BSG: variants seen among roughly 807,000 people sequenced by gnomAD.
BSG encodes basigin (Ok blood group).
Under a neutral mutation model 43.1 loss-of-function variants are expected in BSG, and 37 were observed. The ratio of observed to expected loss-of-function variants is 0.86; its 90% CI spans 0.66 to 1.13. BSG has a LOEUF of 1.13. BSG is among the 50% of genes most tolerant of loss of function. The pLI, the probability that BSG is intolerant of heterozygous loss-of-function variation, is 0.00. For missense variants in BSG, 599 were observed against 554.2 expected (o/e 1.08, Z -0.81); for synonymous variants, 309 against 238.7 (o/e 1.29, Z -2.72).
At chr19:578,142 TC>T (rs746316624) in intron 2 of BSG, 21 bp downstream of exon 2, 3 of 1,504,774 alleles carry the variant, frequency 2.0e-6, no homozygotes, top group African/African-American at 2.8e-5. Flanking sequence ...GGCACCTCCC[TC>T]CCCGCCTCCC....
At position 582,896 on chromosome 19, in the gene BSG, G is replaced by GT; in HGVS notation, c.*156dup. The GT allele has an allele frequency of 2.4e-6, 1 of 420,224 alleles. No homozygotes were observed. The highest frequency in any genetic ancestry group is 4.3e-6 in the Non-Finnish European group (1 of 233,618). The allele number at this position is 420,224 out of a possible 1,614,324, so 26.0% of individuals were successfully genotyped here. A position where few individuals can be genotyped will look rare whatever the true frequency, so the allele number is the denominator to read the frequency against. ...CTTCCTTCTTTTTTAAAAAAGTTGG[G>GT]TTTTCTCCATTCAGGATTCTGTTCC... is the stretch of plus-strand genomic sequence containing the variant. On this transcript the variant is annotated 3_prime_UTR_variant, in exon 9 of 9. Transcript: ENST00000333511.
chr19:582,710 G>T, intron 8 of BSG, 40 bp from the exon 9 acceptor site: 1 of 1,044,184 alleles, frequency 9.6e-7, no homozygotes, highest in Non-Finnish European at 1.4e-6. Context: ...GTGGGTCGCT[G>T]GGAGGTGGGT....
upstream of BSG, chr19:572,566 C>T (rs947470056): frequency 1.4e-6 from 2 of 1,422,114 alleles, no homozygotes; most frequent in East Asian, 3.1e-5. Flanking sequence ...GCCTCCGCCG[C>T]TTTTTATAGC....
intron 6 of BSG, 135 bp downstream of exon 6, chr19:581,726 C>T: frequency 8.0e-7 from 1 of 1,251,260 alleles, no homozygotes; most frequent in South Asian, 1.6e-5. Context: ...TTGATGGGAC[C>T]CCGAAAGAAA....
rs770933792 is a variant in BSG, at chr19:579,696, T to C, written c.572+40T>C. 20 of 1,571,592 alleles carry C rather than the reference T, an allele frequency of 1.3e-5. No homozygotes were observed. The South Asian group carries it at 2.4e-4, about 19-fold the overall frequency. On this transcript the variant is annotated intron_variant, in intron 3 of 8. Transcript: ENST00000333511. ...ACGCCATGCCGCCACCTGCCCCTTC[T>C]CACGGCTCTCTTGCCGCCAGCGGCC...
rs1982306285 is a variant in BSG at position 581,402 on chromosome 19, G to T, written c.880G>T (p.Ala294Ser). 2 of 1,612,804 alleles carry T rather than the reference G, an allele frequency of 1.2e-6. No individual in the cohort carries two copies. The highest frequency in any genetic ancestry group is 1.7e-6 in the Non-Finnish European group (2 of 1,179,952). Residue 294 changes from alanine to serine, a missense_variant, in exon 6 of 9, where the codon GCC (alanine) becomes TCC (serine). Physicochemically the swap from Ala to Ser is moderately conservative, Grantham distance 99 (BLOSUM62 1). Coordinates refer to ENST00000333511, the MANE Select transcript of BSG (RefSeq NM_001728.4). Reference sequence around the variant, plus strand: ...ACACATTGAGAACCTGAACATGGAGGCCGACCCCGGCCAGTACCGGTGCAA... The same window carrying T: ...ACACATTGAGAACCTGAACATGGAGTCCGACCCCGGCCAGTACCGGTGCAA... ...ELHIENLNME[A>S]DPGQYRCNGT... is the part of the protein sequence containing the mutation.
intron 1 of BSG, among the ~76,000 whole-genome samples, chr19:576,995 G>A (rs1387981269): frequency 6.6e-6 from 1 of 152,056 alleles, no homozygotes; most frequent in Non-Finnish European, 1.5e-5. Flanking sequence ...CGGTGCCTGG[G>A]GAGTCTGACC....
At chr19:571,924 G>A (rs534604742), upstream of BSG, among the ~76,000 whole-genome samples, 618 of 152,300 alleles carry the variant, frequency 4.1e-3, 5 homozygotes, top group Middle Eastern at 6.8e-3. Flanking sequence ...AGACCTGGAA[G>A]TTGAGTTTCT....
In BSG at chr19:572,646, G is replaced by A. The variant is rs773005376; in HGVS notation, c.12G>A (p.Ala4=). The change falls in exon 1 of 9, where the codon GCG becomes GCA. Residue 4 remains alanine (A), a synonymous_variant. Coordinates refer to ENST00000333511, the MANE Select transcript of BSG (RefSeq NM_001728.4). The part of the protein sequence containing the change: MAA[A]LFVLLGFALL... Reference sequence around the variant, plus strand: ...GAGGAATAGGAATCATGGCGGCTGCGCTGTTCGTGCTGCTGGGATTCGCGC... The same window carrying A: ...GAGGAATAGGAATCATGGCGGCTGCACTGTTCGTGCTGCTGGGATTCGCGC... 2.7e-6 allele frequency: 4 copies of A among 1,504,204 alleles called. No homozygotes were observed. Among genetic ancestry groups the A allele is most frequent in the Non-Finnish European group, 3.6e-6 (4 of 1,125,006 alleles). The allele number at this position is 1,504,204 out of a possible 1,614,324, so 93.2% of individuals were successfully genotyped here.
chr19:577,480 C>T (rs964473846), intron 1 of BSG, among the ~76,000 whole-genome samples: 1 of 152,214 alleles, frequency 6.6e-6, no homozygotes, highest in African/African-American at 2.4e-5. Flanking sequence ...GGGCTCAGGA[C>T]TCCTGGCTCT....
upstream of BSG, chr19:572,444 G>A: frequency 2.6e-6 from 3 of 1,147,110 alleles, no homozygotes; most frequent in Non-Finnish European, 3.2e-6. Flanking sequence ...GAGCCTGCCG[G>A]AGCCGGCGCG....
intron 4 of BSG, 55 bp from the exon 5 acceptor site, chr19:580,591 C>T (rs898795312): frequency 1.1e-5 from 18 of 1,608,456 alleles, no homozygotes; most frequent in Middle Eastern, 3.3e-4. Context: ...TGCGGGAGGC[C>T]GGGGATGGGG....
chr19:578,195 A>T (rs1380601489), intron 2 of BSG, 74 bp downstream of exon 2: 4 of 1,369,842 alleles, frequency 2.9e-6, no homozygotes, highest in Non-Finnish European at 2.9e-6. Flanking sequence ...GCTCCTGCTC[A>T]GTAGAACCCA....
intron 5 of BSG, 94 bp from the exon 6 acceptor site, chr19:581,221 G>T (rs2145901977): frequency 1.1e-5 from 14 of 1,286,908 alleles, no homozygotes; most frequent in Non-Finnish European, 1.4e-5. Flanking sequence ...CTGGGTGAGG[G>T]GCCTAGACTG....
At chr19:573,600 C>T (rs1163061035) in intron 1 of BSG, among the ~76,000 whole-genome samples, 3 of 152,150 alleles carry the variant, frequency 2.0e-5, no homozygotes, top group Non-Finnish European at 2.9e-5. Context: ...CGGAATCTCC[C>T]TCTGATTCTG....
At position 580,359 on chromosome 19, in the gene BSG, C is replaced by T; in HGVS notation, c.573-20C>T. 1 of 1,608,432 alleles carries T rather than the reference C, an allele frequency of 6.2e-7. No homozygotes were observed. The highest frequency in any genetic ancestry group is 8.5e-7 in the Non-Finnish European group (1 of 1,178,996). On this transcript the variant is annotated intron_variant, in intron 3 of 8. Coordinates refer to ENST00000333511, the MANE Select transcript of BSG (RefSeq NM_001728.4). ...TCCTGCAGAGCTGGTACGCGGCTCA[C>T]CTGCCTGCTGTGGTTGCAGGGTGGA... is the stretch of plus-strand genomic sequence containing the variant.
At chr19:580,871 G>A (rs917291110) in intron 5 of BSG, 89 bp downstream of exon 5, 8 of 1,312,472 alleles carry the variant, frequency 6.1e-6, no homozygotes, top group South Asian at 3.0e-5. Context: ...CCAGCCCTCA[G>A]GACTGGGTGA....
intron 6 of BSG, 72 bp downstream of exon 6, chr19:581,663 G>A (rs1982337491): frequency 6.8e-7 from 1 of 1,474,628 alleles, no homozygotes; most frequent in East Asian, 2.5e-5. Flanking sequence ...GTCCGTCCCT[G>A]CCAGCCCCAC....
chr19:582,381 C>T, intron 7 of BSG, 51 bp downstream of exon 7: 2 of 1,596,348 alleles, frequency 1.3e-6, no homozygotes, highest in Non-Finnish European at 1.7e-6. Context: ...CCTGCTGCCC[C>T]AGGCCTTTAA....
Sources: allele counts gnomAD v4.1 joint callset (sites outside exome capture counted in the v4.1 genomes callset), GRCh38; gene constraint gnomAD v4.1.1; transcripts MANE v1.5; gene names NCBI Gene and HGNC (gene_info 2026-07-23, HGNC 2026-07-21).